The following PTPRD variants were observed in gnomAD, a reference collection of about 807,000 sequenced individuals.
PTPRD encodes the protein protein tyrosine phosphatase receptor type D.
A neutral mutation model predicts 214.5 loss-of-function variants in PTPRD; 34 were observed. The observed-to-expected ratio is 0.16, with a 90% CI of 0.12 to 0.21. The LOEUF (loss-of-function observed/expected upper bound fraction) is 0.21. Among genes scored for constraint, PTPRD ranks in the 10% least tolerant of loss-of-function variants. The pLI, the probability that PTPRD is intolerant of heterozygous loss-of-function variation, is 1.00. For synonymous variants in PTPRD, 1,128 were observed against 845.7 expected, an observed-to-expected ratio of 1.33 and a Z score of -5.79; for missense variants, 2,545 against 2,398.7, an observed-to-expected ratio of 1.06 and a Z score of -1.27.
intron 14 of PTPRD, among the ~76,000 whole-genome samples, chr9:8,535,084 G>T (rs561742175): frequency 3.3e-5 from 5 of 151,846 alleles, no homozygotes; most frequent in African/African-American, 9.6e-5. Flanking sequence ...AGTAATAATA[G>T]TACCAAGCAC....
rs974965234 is a variant in PTPRD at position 9,317,096 on chromosome 9, T to C, written c.-203+80353A>G. ...TTTCAATGTTTATTTTCTATCACAA[T>C]ATTTTCAATGTTTTACTTTCTACTG... is the stretch of plus-strand genomic sequence containing the variant. On this transcript the variant is annotated intron_variant, in intron 9 of 45. Transcript: ENST00000381196. Among the ~76,000 whole-genome samples the C allele has an allele frequency of 3.9e-5, 6 of 152,194 alleles. No homozygotes were observed. The South Asian group carries it at 1.0e-3, about 26-fold the overall frequency.
intron 2 of PTPRD, among the ~76,000 whole-genome samples, chr9:10,386,378 T>C (rs1448866702): frequency 6.6e-6 from 1 of 151,882 alleles, no homozygotes; most frequent in Admixed American, 6.6e-5. Flanking sequence ...GAAGAAACCT[T>C]TTCCTATATT....
intron 11 of PTPRD, among the ~76,000 whole-genome samples, chr9:8,882,184 T>C (rs1006049614): frequency 6.6e-6 from 1 of 152,220 alleles, no homozygotes; most frequent in Non-Finnish European, 1.5e-5. Flanking sequence ...AAAGAAATAC[T>C]GTCGACTCAT....
intron 7 of PTPRD, among the ~76,000 whole-genome samples, chr9:9,608,233 C>G (rs2094304683): frequency 6.6e-6 from 1 of 152,148 alleles, no homozygotes; most frequent in Admixed American, 6.5e-5. Flanking sequence ...GAGTCAGTTA[C>G]TACTACTGTT....
In PTPRD at chr9:8,554,647, A is replaced by G. The variant is rs564024030; in HGVS notation, c.353-25868T>C. ...TTGAAGCAAATTTAGATGGCTAGGTATAAACAGAAATACAATTTTATAATG... is the reference window on the plus strand; with the variant it reads ...TTGAAGCAAATTTAGATGGCTAGGTGTAAACAGAAATACAATTTTATAATG... On this transcript the variant is annotated intron_variant, in intron 14 of 45. Coordinates refer to ENST00000381196, the MANE Select transcript of PTPRD (RefSeq NM_002839.4). Among the ~76,000 whole-genome samples the G allele has an allele frequency of 1.1e-4, 16 of 152,342 alleles. No individual in the cohort carries two copies. The South Asian group carries it at 1.4e-3, about 14-fold the overall frequency.
At chr9:10,320,981 T>C (rs562728804) in intron 3 of PTPRD, among the ~76,000 whole-genome samples, 3 of 152,086 alleles carry the variant, frequency 2.0e-5, no homozygotes, top group African/African-American at 7.2e-5. Context: ...GACCTTGGCC[T>C]CCTAAAGTGC....
At chr9:8,539,930 C>T (rs182272735) in intron 14 of PTPRD, among the ~76,000 whole-genome samples, 7 of 152,140 alleles carry the variant, frequency 4.6e-5, no homozygotes, top group African/African-American at 1.2e-4. Context: ...AAAGTGAATG[C>T]GGATCTAAGA....
chr9:9,630,244 T>C (rs2095547631), intron 7 of PTPRD, among the ~76,000 whole-genome samples: 1 of 152,214 alleles, frequency 6.6e-6, no homozygotes, highest in African/African-American at 2.4e-5. Context: ...GTTGCCACCA[T>C]TTTCATTTAG....
chr9:9,295,719 A>C (rs1952772408), intron 9 of PTPRD, among the ~76,000 whole-genome samples: 1 of 151,824 alleles, frequency 6.6e-6, no homozygotes, highest in Non-Finnish European at 1.5e-5. Context: ...CACTAGGTTT[A>C]CTTCAAAGAG....
intron 3 of PTPRD, among the ~76,000 whole-genome samples, chr9:10,083,798 A>G (rs2098281808): frequency 6.6e-6 from 1 of 151,990 alleles, no homozygotes; most frequent in South Asian, 2.1e-4. Flanking sequence ...TCACATGTGC[A>G]GTTTACAATA....
At chr9:9,147,589 A>C (rs183912612) in intron 10 of PTPRD, among the ~76,000 whole-genome samples, 11 of 152,272 alleles carry the variant, frequency 7.2e-5, no homozygotes, top group Non-Finnish European at 1.5e-4. Flanking sequence ...ATGTCCATGA[A>C]TAAAGCTTTC....
Position 8,618,580 on chromosome 9 carries a change from C to T in PTPRD, c.352+14737G>A, listed in dbSNP as rs182833014. On this transcript the variant is annotated intron_variant, in intron 14 of 45. Coordinates refer to ENST00000381196, the MANE Select transcript of PTPRD (RefSeq NM_002839.4). ...TCTACCAGAGGTTTCAAAGAGAAAG[C>T]CATGGAGTCATAAAACACCAAGACA... 4.6e-5 allele frequency among the ~76,000 whole-genome samples: 7 copies of T among 152,122 alleles called. No individual in the cohort carries two copies. The South Asian group carries it at 1.5e-3, about 32-fold the overall frequency.
At chr9:9,230,795 T>C (rs1014707640) in intron 9 of PTPRD, among the ~76,000 whole-genome samples, 1 of 152,158 alleles carries the variant, frequency 6.6e-6, no homozygotes, top group Non-Finnish European at 1.5e-5. Flanking sequence ...AGGATAAATC[T>C]GTATCTTTTC....
chr9:8,814,136 A>G (rs1047664314), intron 11 of PTPRD, among the ~76,000 whole-genome samples: 2 of 150,478 alleles, frequency 1.3e-5, no homozygotes, highest in Admixed American at 6.7e-5. Context: ...CAAATTATAC[A>G]CATAATAAGT....
chr9:9,432,901 A>AATTTGCTTTACTTTCAAAT (rs2083762183), intron 8 of PTPRD, among the ~76,000 whole-genome samples: 1 of 152,178 alleles, frequency 6.6e-6, no homozygotes, highest in African/African-American at 2.4e-5. Flanking sequence ...AAATCGTTAT[A>AATTTGCTTTACTTTCAAAT]ATTCCCAGAG....
At chr9:10,148,680 C>A (rs1459019901) in intron 3 of PTPRD, among the ~76,000 whole-genome samples, 1 of 152,174 alleles carries the variant, frequency 6.6e-6, no homozygotes, top group Non-Finnish European at 1.5e-5. Flanking sequence ...ACAAGTCAAT[C>A]TCAATTTTGG....
Position 8,373,804 on chromosome 9 carries a change from TTATGTATGTATG to T in PTPRD, c.4661+2120_4661+2131del, listed in dbSNP as rs778163862. Among the ~76,000 whole-genome samples, 8 of 126,998 alleles carry T rather than the reference TTATGTATGTATG, an allele frequency of 6.3e-5. No individual in the cohort carries two copies. In the South Asian group the frequency reaches 1.0e-3, roughly 16 times the overall value. The allele number at this position is 126,998 out of a possible 152,430, so 83.3% of individuals were successfully genotyped here. ...CAGAGGGTGAAATGCATTTTAAAAA[TTATGTATGTATG>T]TATGTATGTATGTATGTATGTATGT... is the stretch of plus-strand genomic sequence containing the variant. On this transcript the variant is annotated intron_variant, in intron 39 of 45. Transcript: ENST00000381196.
chr9:9,127,345 T>A (rs2099835570), intron 10 of PTPRD, among the ~76,000 whole-genome samples: 1 of 152,252 alleles, frequency 6.6e-6, no homozygotes, highest in Non-Finnish European at 1.5e-5. Context: ...AGAACTGCTG[T>A]AGTTAGTTAA....
chr9:8,399,366 T>C (rs2091958970), intron 36 of PTPRD, among the ~76,000 whole-genome samples: 1 of 152,146 alleles, frequency 6.6e-6, no homozygotes, highest in Non-Finnish European at 1.5e-5. Flanking sequence ...AGTATGTAAG[T>C]GCTCTATGTT....
Sources: allele counts gnomAD v4.1 joint callset (sites outside exome capture counted in the v4.1 genomes callset), GRCh38; gene constraint gnomAD v4.1.1; transcripts MANE v1.5; gene names NCBI Gene and HGNC (gene_info 2026-07-23, HGNC 2026-07-21).